Variants in NDE1 observed in about 807,000 individuals in gnomAD.
NDE1 encodes nuclear distribution protein nudE homolog 1.
NDE1 carries 28 observed loss-of-function variants against 43.4 expected under a neutral mutation model. The ratio of observed to expected loss-of-function variants is 0.65; its 90% confidence interval spans 0.48 to 0.89. NDE1 has a LOEUF of 0.89. Among genes scored for constraint, NDE1 ranks in the 40% least tolerant of loss-of-function variants. The pLI, the probability that NDE1 is intolerant of heterozygous loss-of-function variation, is 0.00. For missense variants in NDE1, 441 were observed against 434.1 expected (o/e 1.02, Z -0.14); for synonymous variants, 184 against 172.0 (o/e 1.07, Z -0.55).
At position 15,715,388 on chromosome 16, in the gene NDE1, C is replaced by T. The variant is rs144676288; in HGVS notation, c.948-8803C>T. The T allele has an allele frequency of 1.2e-5, 11 of 889,152 alleles. No homozygotes were observed. In the Admixed American group the frequency reaches 2.1e-4, roughly 17 times the overall value. 55.1% of individuals were successfully genotyped at this position (889,152 alleles called of 1,614,324 possible). On this transcript the variant is annotated intron_variant, in intron 8 of 8. Coordinates refer to ENST00000396354, the MANE Select transcript of NDE1 (RefSeq NM_017668.3). ...TCCTGAGCCCCGTATCTGGACTCCT[C>T]TCAAGAATCAGTCAGATGGTGGAAT... is the stretch of plus-strand genomic sequence containing the variant.
At chr16:15,715,636 C>T (rs1030199334) in intron 8 of NDE1, among the ~76,000 whole-genome samples, 3 of 151,718 alleles carry the variant, frequency 2.0e-5, no homozygotes, top group South Asian at 2.1e-4. Flanking sequence ...ATTTTTTTTG[C>T]GGGGAGGAGG....
intron 1 of NDE1, among the ~76,000 whole-genome samples, chr16:15,661,106 T>C (rs2037021881): frequency 6.6e-6 from 1 of 152,060 alleles, no homozygotes; most frequent in African/African-American, 2.4e-5. Flanking sequence ...TGTCTGAGAC[T>C]GGGTTTGTTA....
At position 15,724,584 on chromosome 16, in the gene NDE1, G is replaced by T; in HGVS notation, c.*333G>T. 6.2e-7 allele frequency: 1 copy of T among 1,611,892 alleles called. No homozygotes were observed. Reference sequence around the variant, plus strand: ...AACACTCCACCGCGATCTGCCTGCGGGGGATCTCAGCGCAGAGAAGTTGAG... The same window carrying T: ...AACACTCCACCGCGATCTGCCTGCGTGGGATCTCAGCGCAGAGAAGTTGAG... On this transcript the variant is annotated 3_prime_UTR_variant, in exon 9 of 9. Transcript: ENST00000396354.
chr16:15,677,762 G>A lies in NDE1; in HGVS notation c.238-39G>A, dbSNP rs143392605. 1.1e-3 allele frequency: 1,821 copies of A among 1,613,274 alleles called. 10 individuals are homozygous for A. In the African/African-American group the frequency reaches 0.014, roughly 12 times the overall value. Reference sequence around the variant, plus strand: ...GCTACTGTGTCTAGCCTTCTCAGAAGTCTTAAGTCATTCACTCAGTGTCTG... The same window carrying A: ...GCTACTGTGTCTAGCCTTCTCAGAAATCTTAAGTCATTCACTCAGTGTCTG... On this transcript the variant is annotated intron_variant, in intron 3 of 8. Coordinates refer to ENST00000396354, the MANE Select transcript of NDE1 (RefSeq NM_017668.3).
intron 4 of NDE1, among the ~76,000 whole-genome samples, chr16:15,679,818 G>A (rs1424088326): frequency 6.6e-6 from 1 of 151,862 alleles, no homozygotes; most frequent in Admixed American, 6.6e-5. Context: ...TTGCTCTGTC[G>A]CCCAGGCTGG....
chr16:15,676,190 C>T (rs935672444), intron 3 of NDE1, among the ~76,000 whole-genome samples: 1 of 149,018 alleles, frequency 6.7e-6, no homozygotes, highest in Non-Finnish European at 1.5e-5. Context: ...CTCCTTTTCT[C>T]CCTCCTTCTT....
At chr16:15,696,916 A>G in intron 8 of NDE1, 56 bp downstream of exon 8, 1 of 1,598,842 alleles carries the variant, frequency 6.3e-7, no homozygotes, top group Non-Finnish European at 8.5e-7. Context: ...TGCCCCAGGC[A>G]AGAGACACTC....
intron 8 of NDE1, among the ~76,000 whole-genome samples, chr16:15,715,835 G>A (rs571274545): frequency 8.5e-5 from 13 of 152,110 alleles, no homozygotes; most frequent in Middle Eastern, 3.4e-3. Flanking sequence ...TCATAGAAAC[G>A]GAGTCTCTGG....
At chr16:15,673,038 C>T (rs989256910) in intron 3 of NDE1, among the ~76,000 whole-genome samples, 1 of 152,192 alleles carries the variant, frequency 6.6e-6, no homozygotes, top group Non-Finnish European at 1.5e-5. Context: ...GCCTCTCTGG[C>T]CTAGGCACCA....
At chr16:15,704,996 AAAG>A (rs2039372145) in intron 8 of NDE1, among the ~76,000 whole-genome samples, 1 of 152,080 alleles carries the variant, frequency 6.6e-6, no homozygotes, top group East Asian at 1.9e-4. Flanking sequence ...TGGATTTAAA[AAAG>A]AAATTTAAGA....
chr16:15,648,404 A>G (rs2036374541), upstream of NDE1, among the ~76,000 whole-genome samples: 1 of 152,232 alleles, frequency 6.6e-6, no homozygotes, highest in Non-Finnish European at 1.5e-5. Flanking sequence ...AAATAAAGAA[A>G]AAAAGAAATT....
chr16:15,719,292 T>G, intron 8 of NDE1: 1 of 1,612,032 alleles, frequency 6.2e-7, no homozygotes. Context: ...GCGAGCCCTC[T>G]CAGCGGCGGC....
chr16:15,687,168 C>A, intron 4 of NDE1: 1 of 1,482,014 alleles, frequency 6.7e-7, no homozygotes, highest in Non-Finnish European at 9.0e-7. Flanking sequence ...CCTCGTGCAC[C>A]CCATGAGCTA....
rs1351144920 is a variant in NDE1 at position 15,664,756 on chromosome 16, T to C, written c.-23T>C. On this transcript the variant is annotated 5_prime_UTR_variant, in exon 2 of 9. An upstream open reading frame in the 5' UTR loses its in-frame stop. Coordinates refer to ENST00000396354, the MANE Select transcript of NDE1 (RefSeq NM_017668.3). ...CCTAGACACCATGCCACAAGGAGAG[T>C]GATCTCTTCCCCTGTTTTCACAATG... 3.2e-6 allele frequency: 5 copies of C among 1,561,620 alleles called. No homozygotes were observed. The highest frequency in any genetic ancestry group is 4.4e-6 in the Non-Finnish European group (5 of 1,133,202).
intron 8 of NDE1, chr16:15,719,135 T>C: frequency 7.1e-7 from 1 of 1,405,056 alleles, no homozygotes; most frequent in Non-Finnish European, 9.9e-7. Flanking sequence ...CTCGAAAAAA[T>C]TTAAAAAATA....
chr16:15,689,266 G>A (rs1330870212), intron 5 of NDE1, among the ~76,000 whole-genome samples: 1 of 152,174 alleles, frequency 6.6e-6, no homozygotes, highest in Admixed American at 6.6e-5. Context: ...GACGCAAGAG[G>A]ATTGCTTGAG....
rs1567701771 is a variant in NDE1, at chr16:15,725,262, T to C, written c.*1011T>C. 1.7e-6 allele frequency: 1 copy of C among 588,542 alleles called. No homozygotes were observed. The highest frequency in any genetic ancestry group is 3.0e-6 in the Non-Finnish European group (1 of 332,824). 36.5% of individuals were successfully genotyped at this position (588,542 alleles called of 1,614,324 possible). A position where few individuals can be genotyped will look rare whatever the true frequency, so the allele number is the denominator to read the frequency against. On this transcript the variant is annotated 3_prime_UTR_variant, in exon 9 of 9. Transcript: ENST00000396354. Reference sequence around the variant, plus strand: ...TTCTAAGAACTTATTTGAGCCCCAATGGTATTGACTGGGACCTGATCCCAC... The same window carrying C: ...TTCTAAGAACTTATTTGAGCCCCAACGGTATTGACTGGGACCTGATCCCAC...
chr16:15,705,634 T>C (rs1282200628), intron 8 of NDE1, among the ~76,000 whole-genome samples: 2 of 151,978 alleles, frequency 1.3e-5, no homozygotes, highest in African/African-American at 4.8e-5. Flanking sequence ...CACGCAAGGG[T>C]TGGATAAGAA....
At chr16:15,673,792 C>T (rs951973072) in intron 3 of NDE1, among the ~76,000 whole-genome samples, 2 of 152,098 alleles carry the variant, frequency 1.3e-5, no homozygotes, top group African/African-American at 2.4e-5. Flanking sequence ...CATGAGGCAC[C>T]GCACCTGGCT....
Sources: allele counts gnomAD v4.1 joint callset (sites outside exome capture counted in the v4.1 genomes callset), GRCh38; gene constraint gnomAD v4.1.1; transcripts MANE v1.5; gene names NCBI Gene and HGNC (gene_info 2026-07-23, HGNC 2026-07-21).